TENM2: variants seen among roughly 807,000 people sequenced by gnomAD.
TENM2 encodes teneurin transmembrane protein 2.
TENM2 carries 52 observed loss-of-function variants against 245.2 expected under a neutral mutation model. The ratio of observed to expected loss-of-function variants is 0.21; its 90% CI spans 0.17 to 0.27. The LOEUF is 0.27. TENM2 is among the 10% of genes least tolerant of loss of function. The probability of loss-of-function intolerance (pLI) is 1.00; values close to 1 mark genes in which losing one functional copy is unlikely to be tolerated. For synonymous variants in TENM2, 1,363 were observed against 1,438.9 expected (o/e 0.95, Z 1.19); for missense variants, 3,046 against 3,666.8 (o/e 0.83, Z 4.37).
the TENM2 span, among the ~76,000 whole-genome samples, chr5:167,046,473 C>T: frequency 2.6e-5 from 4 of 152,068 alleles, no homozygotes; most frequent in African/African-American, 4.8e-5. Context: ...CGGGAACAGT[C>T]GTTGAAATGC....
chr5:167,677,296 T>C (rs898026300), intron 2 of TENM2, among the ~76,000 whole-genome samples: 8 of 152,128 alleles, frequency 5.3e-5, no homozygotes, highest in African/African-American at 1.9e-4. Context: ...AATATGTTAT[T>C]ATGCATATTG....
intron 1 of TENM2, among the ~76,000 whole-genome samples, chr5:167,357,699 T>A (rs894556518): frequency 1.1e-4 from 17 of 152,212 alleles, no homozygotes; most frequent in African/African-American, 3.4e-4. Context: ...GAGTGCTATG[T>A]GTGTACGATA....
chr5:167,523,024 C>A (rs1391152739), intron 2 of TENM2, among the ~76,000 whole-genome samples: 1 of 152,106 alleles, frequency 6.6e-6, no homozygotes. Flanking sequence ...TGTTGTCATT[C>A]CTTGGCTTGT....
chr5:167,379,553 G>A (rs569087648), intron 2 of TENM2, among the ~76,000 whole-genome samples: 12 of 152,050 alleles, frequency 7.9e-5, no homozygotes, highest in Non-Finnish European at 1.3e-4. Context: ...CTAAACATGC[G>A]AGTGGAATTC....
intron 3 of TENM2, among the ~76,000 whole-genome samples, chr5:167,925,774 A>C (rs190784962): frequency 6.6e-6 from 1 of 152,370 alleles, no homozygotes; most frequent in East Asian, 1.9e-4. Context: ...CTATGCCGCC[A>C]TGAGAAGTAC....
chr5:168,160,123 C>T (rs1335368941), intron 12 of TENM2, among the ~76,000 whole-genome samples: 2 of 152,206 alleles, frequency 1.3e-5, no homozygotes, highest in Non-Finnish European at 2.9e-5. Flanking sequence ...TTTCCGTGAT[C>T]CATTCCCCAA....
chr5:167,316,969 C>T (rs1756400820), intron 1 of TENM2, among the ~76,000 whole-genome samples: 1 of 151,686 alleles, frequency 6.6e-6, no homozygotes. Flanking sequence ...CCTCTGCACA[C>T]CCCCTAATAC....
chr5:167,146,844 A>C, the TENM2 span, among the ~76,000 whole-genome samples: 5,945 of 152,242 alleles, frequency 0.039, 395 homozygotes, highest in African/African-American at 0.13. Flanking sequence ...TTCTTGGGGG[A>C]ATATATGTCC....
intron 2 of TENM2, among the ~76,000 whole-genome samples, chr5:167,583,525 T>TAAAAC (rs200645928): frequency 7.5e-6 from 1 of 133,216 alleles, no homozygotes; most frequent in East Asian, 2.3e-4. Context: ...AAACCTATCT[T>TAAAAC]AAAACAAAAC....
At chr5:167,387,336 T>C (rs1259909958) in intron 2 of TENM2, among the ~76,000 whole-genome samples, 2 of 152,100 alleles carry the variant, frequency 1.3e-5, no homozygotes, top group Non-Finnish European at 2.9e-5. Context: ...TGTCGGTGTA[T>C]AGAAGAGCTA....
the TENM2 span, among the ~76,000 whole-genome samples, chr5:166,999,883 G>C: frequency 2.6e-5 from 4 of 152,068 alleles, no homozygotes. Flanking sequence ...AGAGAAGAGA[G>C]GAAGGAATAG....
chr5:167,422,823 T>C (rs1457229614), intron 2 of TENM2, among the ~76,000 whole-genome samples: 2 of 152,144 alleles, frequency 1.3e-5, no homozygotes, highest in Non-Finnish European at 2.9e-5. Context: ...AAGACCTCTC[T>C]GCTTGAAAGT....
intron 2 of TENM2, among the ~76,000 whole-genome samples, chr5:167,395,252 A>T (rs925366513): frequency 6.6e-6 from 1 of 152,214 alleles, no homozygotes; most frequent in East Asian, 1.9e-4. Context: ...TGCTGCTATT[A>T]TAGTGGGATT....
intron 27 of TENM2, among the ~76,000 whole-genome samples, chr5:168,257,400 G>T (rs1265366253): frequency 6.6e-6 from 1 of 152,150 alleles, no homozygotes; most frequent in Non-Finnish European, 1.5e-5. Context: ...TGGGCAGAGG[G>T]CCTACCAACA....
chr5:168,138,787 G>A (rs1170349567), intron 12 of TENM2, among the ~76,000 whole-genome samples: 2 of 152,206 alleles, frequency 1.3e-5, no homozygotes, highest in Non-Finnish European at 2.9e-5. Context: ...TTCCAGATGG[G>A]CAGTGATAAC....
intron 2 of TENM2, among the ~76,000 whole-genome samples, chr5:167,709,294 T>C (rs1758748063): frequency 6.6e-6 from 1 of 152,226 alleles, no homozygotes; most frequent in African/African-American, 2.4e-5. Flanking sequence ...ACCAGCACTT[T>C]TCTATTTAGT....
At chr5:167,114,065 A>G in the TENM2 span, among the ~76,000 whole-genome samples, 1 of 152,162 alleles carries the variant, frequency 6.6e-6, no homozygotes, top group Non-Finnish European at 1.5e-5. Flanking sequence ...ATGGACCTCA[A>G]TTTTTCAATG....
rs138372663 is a variant in TENM2 at position 167,325,515 on chromosome 5, T to G, written c.226+40452T>G. The stretch of plus-strand genomic sequence containing the variant: ...AGCCCAATTCTGCAAATCCAGTAAC[T>G]CATTGCTCAGGTTAAAGTCTATCAC... On this transcript the variant is annotated intron_variant, in intron 1 of 28. Coordinates refer to ENST00000518659, the Ensembl canonical transcript of TENM2. 1.3e-4 allele frequency among the ~76,000 whole-genome samples: 20 copies of G among 152,226 alleles called. No individual in the cohort carries two copies. In the East Asian group the frequency reaches 3.7e-3, roughly 28 times the overall value.
chr5:167,713,896 T>C (rs963131826), intron 2 of TENM2, among the ~76,000 whole-genome samples: 7 of 152,312 alleles, frequency 4.6e-5, no homozygotes, highest in African/African-American at 1.7e-4. Context: ...GGTTATTATA[T>C]AGTTCATCAT....
Sources: allele counts gnomAD v4.1 joint callset (sites outside exome capture counted in the v4.1 genomes callset), GRCh38; gene constraint gnomAD v4.1.1; transcripts MANE v1.5; gene names NCBI Gene and HGNC (gene_info 2026-07-23, HGNC 2026-07-21).